BOK: variants seen among roughly 807,000 people sequenced by gnomAD.
BOK encodes the protein BCL2 family apoptosis regulator BOK, also known as bcl-2-related ovarian killer protein.
A neutral mutation model predicts 18.3 loss-of-function variants in BOK; 20 were observed. That is an observed-to-expected ratio of 1.09 (90% CI 0.77 to 1.59). BOK has a LOEUF of 1.59. Ranked by LOEUF, BOK falls within the 40% of genes most tolerant of loss-of-function variation. The pLI, the probability that BOK is intolerant of heterozygous loss-of-function variation, is 0.00. For synonymous variants in BOK, 173 were observed against 142.4 expected, an observed-to-expected ratio of 1.21 and a Z score of -1.53; for missense variants, 348 against 307.9, an observed-to-expected ratio of 1.13 and a Z score of -0.97.
chr2:241,562,554 G>A lies in BOK; in HGVS notation c.349+78G>A, dbSNP rs565944369. The A allele has an allele frequency of 1.4e-5, 21 of 1,499,648 alleles. No homozygotes were observed. Among genetic ancestry groups the A allele is most frequent in the Non-Finnish European group, 1.5e-5 (17 of 1,126,348 alleles). 92.9% of individuals were successfully genotyped at this position (1,499,648 alleles called of 1,614,324 possible). On this transcript the variant is annotated intron_variant, in intron 3 of 4. Transcript: ENST00000318407. This position sits in a 1 kb window ranked among gnomAD's most constrained non-coding sequence, Gnocchi z 4.5. ...TGGCTCAGGCTCACAGGGACCCCAC[G>A]AGCTGGCCCCCACCCATCCTGGCGC...
rs560978742 is a variant in BOK, at chr2:241,560,053, G to A, written c.220+350G>A. On this transcript the variant is annotated intron_variant, in intron 2 of 4. Transcript: ENST00000318407. The stretch of plus-strand genomic sequence containing the variant: ...CCTTTGTAGGAGCACGTGTCCCGAT[G>A]TTTATTTTGGAAAACAGATTCTTGC... The A allele has an allele frequency of 1.4e-4, 133 of 985,002 alleles. No homozygotes were observed. In the Middle Eastern group the frequency reaches 3.1e-3, roughly 23 times the overall value. The allele number at this position is 985,002 out of a possible 1,614,324, so 61.0% of individuals were successfully genotyped here.
chr2:241,562,328 C>G lies in BOK; in HGVS notation c.221-20C>G. ...AGCTGGGACGTGGGCTGCCTCTCAC[C>G]TGCTCTTGTGACCACACAGGCGATG... is the stretch of plus-strand genomic sequence containing the variant. On this transcript the variant is annotated intron_variant, in intron 2 of 4. Coordinates refer to ENST00000318407, the MANE Select transcript of BOK (RefSeq NM_032515.5). The surrounding 1 kb of genome is among the most constrained non-coding windows in gnomAD (Gnocchi z 4.5). The G allele has an allele frequency of 6.3e-7, 1 of 1,581,402 alleles. No homozygotes were observed. Among genetic ancestry groups the G allele is most frequent in the Non-Finnish European group, 8.6e-7 (1 of 1,163,978 alleles).
chr2:241,570,326 G>A (rs1260498869), intron 4 of BOK, 38 bp downstream of exon 4: 10 of 1,533,218 alleles, frequency 6.5e-6, no homozygotes, highest in Non-Finnish European at 8.8e-6. Context: ...GGAGAGCTGG[G>A]GTGCGAGGGT....
intron 1 of BOK, among the ~76,000 whole-genome samples, 177 bp from the exon 2 acceptor site, chr2:241,559,278 T>C (rs1276181546): frequency 6.6e-6 from 1 of 151,708 alleles, no homozygotes; most frequent in Non-Finnish European, 1.5e-5. Flanking sequence ...TGTCTGTAGC[T>C]GAATTCGGGC....
At chr2:241,558,054 G>GACACACACACACACACACACAC (rs60885185), upstream of BOK, among the ~76,000 whole-genome samples, 18,917 of 143,002 alleles carry the variant, frequency 0.13, 1,439 homozygotes, top group Middle Eastern at 0.21. Context: ...AGAGTTCCGA[G>GACACACACACACACACACACAC]ACACACACAC....
At chr2:241,564,121 G>C (rs1213628223) in intron 3 of BOK, among the ~76,000 whole-genome samples, 1 of 152,258 alleles carries the variant, frequency 6.6e-6, no homozygotes, top group Non-Finnish European at 1.5e-5. Flanking sequence ...AGTTACTGTG[G>C]CTGGGATGCA....
chr2:241,560,221 C>G, intron 2 of BOK: 2 of 985,454 alleles, frequency 2.0e-6, no homozygotes, highest in Non-Finnish European at 2.4e-6. Flanking sequence ...GTGCTCGGTT[C>G]TGGGGTCACA....
upstream of BOK, among the ~76,000 whole-genome samples, chr2:241,555,511 G>A (rs369447346): frequency 0.015 from 2,230 of 152,264 alleles, 26 homozygotes; most frequent in South Asian, 0.035. Context: ...GAGTAGCTGG[G>A]ATTACAGACA....
upstream of BOK, among the ~76,000 whole-genome samples, chr2:241,554,257 A>C (rs1291027564): frequency 2.0e-5 from 3 of 152,204 alleles, no homozygotes; most frequent in African/African-American, 7.2e-5. Flanking sequence ...GGAGGCAAGC[A>C]GCCGTCACAT....
Position 241,572,395 on chromosome 2 carries a change from C to T in BOK, c.612C>T (p.Ala204=), listed in dbSNP as rs552683976. Reference sequence around the variant, plus strand: ...GCTTCGGCCGCTTCCTGAAGGCTGCCTTCTTCGTGCTGCTGCCAGAGAGAT... The same window carrying T: ...GCTTCGGCCGCTTCCTGAAGGCTGCTTTCTTCGTGCTGCTGCCAGAGAGAT... The part of the protein sequence containing the change: ...LCSFGRFLKA[A]FFVLLPER Residue 204 remains alanine (A), a synonymous_variant, in exon 5 of 5, where the codon GCC becomes GCT. Coordinates refer to ENST00000318407, the MANE Select transcript of BOK (RefSeq NM_032515.5). 5.6e-6 allele frequency: 9 copies of T among 1,601,544 alleles called. No individual in the cohort carries two copies. The highest frequency in any genetic ancestry group is 2.2e-5 in the South Asian group (2 of 90,230).
At chr2:241,564,582 G>A (rs557719823) in intron 3 of BOK, among the ~76,000 whole-genome samples, 1 of 152,224 alleles carries the variant, frequency 6.6e-6, no homozygotes, top group South Asian at 2.1e-4. Flanking sequence ...GGTGGGCAGG[G>A]GGCAGGGTTC....
rs557310459 is a variant in BOK at position 241,571,315 on chromosome 2, AGTTGCC to A, written c.514-980_514-975del. 3.9e-4 allele frequency among the ~76,000 whole-genome samples: 59 copies of A among 152,184 alleles called. No individual in the cohort carries two copies. The East Asian group carries it at 0.01, about 27-fold the overall frequency. Reference sequence around the variant, plus strand: ...TCCTGCCCTGCTCCGGCCAGACCGCAGTTGCCGCTGGGCCCTGGGTGTGGAGGGTGG... The same window carrying A: ...TCCTGCCCTGCTCCGGCCAGACCGCAGCTGGGCCCTGGGTGTGGAGGGTGG... On this transcript the variant is annotated intron_variant, in intron 4 of 4. Transcript: ENST00000318407.
chr2:241,556,252 CAAT>C (rs151114725), upstream of BOK, among the ~76,000 whole-genome samples: 1,459 of 152,344 alleles, frequency 9.6e-3, 16 homozygotes, highest in African/African-American at 0.033. Context: ...AAGCAGCTAA[CAAT>C]GACTGAGCAC....
rs923745568 is a variant in BOK, at chr2:241,573,381, A to T, written c.*959A>T. 4 of 152,326 alleles carry T rather than the reference A, an allele frequency of 2.6e-5. No individual in the cohort carries two copies. The highest frequency in any genetic ancestry group is 5.9e-5 in the Non-Finnish European group (4 of 68,114). 9.4% of individuals were successfully genotyped at this position (152,326 alleles called of 1,614,324 possible). A position where few individuals can be genotyped will look rare whatever the true frequency, so the allele number is the denominator to read the frequency against. ...CCTCTCACCTGAACCCGGGGGTCCC[A>T]TCCCAGGAAGAAGGGCCATCTCAGG... On this transcript the variant is annotated 3_prime_UTR_variant, in exon 5 of 5. Coordinates refer to ENST00000318407, the MANE Select transcript of BOK (RefSeq NM_032515.5).
At chr2:241,560,868 A>AG (rs540626462) in intron 2 of BOK, among the ~76,000 whole-genome samples, 259 of 152,080 alleles carry the variant, frequency 1.7e-3, no homozygotes, top group African/African-American at 6.1e-3. Context: ...GGGACCCCAG[A>AG]GGGACACAGC....
intron 1 of BOK, among the ~76,000 whole-genome samples, chr2:241,552,485 C>A (rs1229114969): frequency 6.6e-6 from 1 of 152,180 alleles, no homozygotes; most frequent in Non-Finnish European, 1.5e-5. Flanking sequence ...AGCTCAGTAC[C>A]CCTTAGGGGC....
At chr2:241,561,452 G>A (rs567864762) in intron 2 of BOK, among the ~76,000 whole-genome samples, 2 of 147,234 alleles carry the variant, frequency 1.4e-5, no homozygotes, top group African/African-American at 5.0e-5. Context: ...GCCAGCCCAG[G>A]TGGGAGCGTG....
chr2:241,564,055 A>G lies in BOK; in HGVS notation c.349+1579A>G, dbSNP rs903186524. Among the ~76,000 whole-genome samples the G allele has an allele frequency of 1.3e-4, 20 of 152,146 alleles. No homozygotes were observed. In the East Asian group the frequency reaches 3.7e-3, roughly 28 times the overall value. On this transcript the variant is annotated intron_variant, in intron 3 of 4. Coordinates refer to ENST00000318407, the MANE Select transcript of BOK (RefSeq NM_032515.5). ...CGGCGGGGGCTGCGAGCATTTTCTGACAGAATCCGGCCTCTCCAGTGCCAC... is the reference window on the plus strand; with the variant it reads ...CGGCGGGGGCTGCGAGCATTTTCTGGCAGAATCCGGCCTCTCCAGTGCCAC...
intron 1 of BOK, chr2:241,551,560 G>C (rs550500029): frequency 6.6e-6 from 1 of 152,354 alleles, no homozygotes; most frequent in East Asian, 1.9e-4. Flanking sequence ...CCGAGGTTTA[G>C]AATAAGCTGG....
Sources: gnomAD v4.1 joint callset for allele counts (sites outside exome capture counted in the v4.1 genomes callset) on GRCh38, gnomAD v4.1.1 for gene constraint, Gnocchi (gnomAD v3.1) non-coding constraint, MANE v1.5 for transcripts, NCBI Gene and HGNC (gene_info 2026-07-23, HGNC 2026-07-21) for gene names.